The following TENM4 variants were observed in gnomAD, a reference collection of about 807,000 sequenced individuals.
TENM4 encodes teneurin-4.
In TENM4, 82 loss-of-function variants were observed where a neutral mutation model predicts 243.3. The ratio of observed to expected loss-of-function variants is 0.34; its 90% CI spans 0.28 to 0.40. The LOEUF is 0.40. Ranked by LOEUF, TENM4 falls within the 10% of genes least tolerant of loss-of-function variation. The pLI is 1.00. For missense variants in TENM4, 3,138 were observed against 3,673.3 expected, an observed-to-expected ratio of 0.85 and a Z score of 3.77; for synonymous variants, 1,412 against 1,456.3, an observed-to-expected ratio of 0.97 and a Z score of 0.69.
At chr11:79,286,457 A>C (rs1448560532) in intron 2 of TENM4, among the ~76,000 whole-genome samples, 1 of 150,958 alleles carries the variant, frequency 6.6e-6, no homozygotes, top group African/African-American at 2.4e-5. Flanking sequence ...GTTTGAGACC[A>C]GCCTGGCCAA....
At position 79,440,148 on chromosome 11, in the gene TENM4, C is replaced by A. The variant is rs1011482932; in HGVS notation, c.-321+361G>T. Among the ~76,000 whole-genome samples, 44 of 151,982 alleles carry A rather than the reference C, an allele frequency of 2.9e-4. No homozygotes were observed. Among genetic ancestry groups the A allele is most frequent in the Non-Finnish European group, 3.7e-4 (25 of 67,966 alleles). ...AGTCTGCAGAGGGGCTGCAGGCGAC[C>A]GGGCCGGGGCGGGGAACGGGATCCG... On this transcript the variant is annotated intron_variant, in intron 1 of 33. Transcript: ENST00000278550. The surrounding 1 kb of genome is among the most constrained non-coding windows in gnomAD (Gnocchi z 4.7).
chr11:78,691,353 C>T (rs1858817492), intron 28 of TENM4, among the ~76,000 whole-genome samples: 1 of 152,174 alleles, frequency 6.6e-6, no homozygotes. Context: ...GGAATGTTGG[C>T]TGAACAAATA....
intron 6 of TENM4, among the ~76,000 whole-genome samples, chr11:78,953,048 T>TAA (rs1857136132): frequency 1.3e-5 from 2 of 152,162 alleles, no homozygotes; most frequent in African/African-American, 4.8e-5. Flanking sequence ...GAGTGGAGCA[T>TAA]AAATGAATTA....
chr11:79,059,140 G>A (rs1203728374), intron 6 of TENM4, among the ~76,000 whole-genome samples: 1 of 152,126 alleles, frequency 6.6e-6, no homozygotes, highest in Non-Finnish European at 1.5e-5. Flanking sequence ...TTTGACACCA[G>A]GCTGCTTGAC....
intron 1 of TENM4, among the ~76,000 whole-genome samples, chr11:79,346,209 T>C (rs535807039): frequency 6.6e-6 from 1 of 152,186 alleles, no homozygotes; most frequent in African/African-American, 2.4e-5. Context: ...TTAAGCATGA[T>C]GAATACAAAT....
intron 2 of TENM4, among the ~76,000 whole-genome samples, chr11:79,255,306 T>C (rs1855681356): frequency 6.6e-6 from 1 of 152,218 alleles, no homozygotes; most frequent in Admixed American, 6.5e-5. Context: ...GTGTGTGAAA[T>C]GCATGGGATG....
At chr11:78,862,134 T>C (rs1945247) in intron 10 of TENM4, among the ~76,000 whole-genome samples, 24,004 of 152,080 alleles carry the variant, frequency 0.16, 2,631 homozygotes, top group African/African-American at 0.31. Context: ...TACAATAGAA[T>C]TTCACACCCA....
chr11:78,941,983 G>A (rs943630872), intron 6 of TENM4, among the ~76,000 whole-genome samples: 1 of 151,840 alleles, frequency 6.6e-6, no homozygotes, highest in African/African-American at 2.4e-5. Context: ...GTGGACCAGG[G>A]CTCACTGCTG....
At chr11:78,812,836 G>C (rs1159382965) in intron 13 of TENM4, among the ~76,000 whole-genome samples, 3 of 152,286 alleles carry the variant, frequency 2.0e-5, no homozygotes, top group South Asian at 2.1e-4. Context: ...CTTAAGAAGA[G>C]AGCAGAGCCC....
chr11:78,938,561 G>T (rs1856832033), intron 6 of TENM4, among the ~76,000 whole-genome samples: 1 of 151,934 alleles, frequency 6.6e-6, no homozygotes, highest in Non-Finnish European at 1.5e-5. Flanking sequence ...AATAACAAAA[G>T]AAAAATATGC....
chr11:79,167,637 T>A (rs867909335), intron 3 of TENM4, among the ~76,000 whole-genome samples: 2 of 152,224 alleles, frequency 1.3e-5, no homozygotes. Flanking sequence ...CCACTCCGAC[T>A]GCCAGAAGGC....
intron 3 of TENM4, among the ~76,000 whole-genome samples, chr11:79,158,774 C>T (rs151325996): frequency 2.6e-5 from 4 of 152,300 alleles, no homozygotes; most frequent in Admixed American, 2.6e-4. Context: ...TGCACAGGAT[C>T]ATACAGGCAG....
chr11:78,934,073 G>T (rs149657812), intron 6 of TENM4, among the ~76,000 whole-genome samples: 61 of 152,218 alleles, frequency 4.0e-4, no homozygotes, highest in African/African-American at 1.1e-3. Context: ...CAGTATTTTT[G>T]CCAGGGAAAG....
At chr11:79,262,529 A>G (rs1251492541) in intron 2 of TENM4, among the ~76,000 whole-genome samples, 2 of 152,152 alleles carry the variant, frequency 1.3e-5, no homozygotes, top group African/African-American at 4.8e-5. Flanking sequence ...CGTTCCATCC[A>G]TTTCCCCTAG....
intron 1 of TENM4, among the ~76,000 whole-genome samples, chr11:79,381,832 T>C (rs1013120113): frequency 7.2e-5 from 11 of 151,848 alleles, no homozygotes; most frequent in African/African-American, 2.7e-4. Context: ...GACCACACAG[T>C]GAGTAAGTGG....
At chr11:79,008,341 T>A (rs1294385911) in intron 6 of TENM4, among the ~76,000 whole-genome samples, 2 of 152,230 alleles carry the variant, frequency 1.3e-5, no homozygotes, top group Admixed American at 1.3e-4. Flanking sequence ...GTCCTACTCG[T>A]TCTGGCTGCC....
chr11:78,919,299 A>C (rs1231890634), intron 6 of TENM4, among the ~76,000 whole-genome samples: 1 of 152,180 alleles, frequency 6.6e-6, no homozygotes, highest in East Asian at 1.9e-4. Context: ...GACTGGTCCA[A>C]AATAACACAA....
chr11:79,298,521 C>CAAAAAAAAA (rs61373828), intron 1 of TENM4, among the ~76,000 whole-genome samples: 12 of 17,248 alleles, frequency 7.0e-4, no homozygotes, highest in Non-Finnish European at 1.8e-3. Flanking sequence ...GACTCCGTCT[C>CAAAAAAAAA]AAAAAAAAAA....
chr11:79,325,969 A>G (rs1010199438), intron 1 of TENM4, among the ~76,000 whole-genome samples: 15 of 152,248 alleles, frequency 9.9e-5, no homozygotes, highest in Non-Finnish European at 1.9e-4. Context: ...TTGTGAACTC[A>G]TTAAACATGA....
Sources: gnomAD v4.1 joint callset for allele counts (sites outside exome capture counted in the v4.1 genomes callset) on GRCh38, gnomAD v4.1.1 for gene constraint, Gnocchi (gnomAD v3.1) non-coding constraint, MANE v1.5 for transcripts, NCBI Gene and HGNC (gene_info 2026-07-23, HGNC 2026-07-21) for gene names.